Variants in WDR59 observed in about 807,000 individuals in gnomAD.
WDR59 encodes the protein GATOR2 complex protein WDR59.
Under a neutral mutation model 131.2 loss-of-function variants are expected in WDR59, and 100 were observed. That is an observed-to-expected ratio of 0.76 (90% CI 0.65 to 0.90). WDR59 has a LOEUF of 0.90. WDR59 is among the 40% of genes least tolerant of loss of function. The pLI is 0.00. For missense variants in WDR59, 1,203 were observed against 1,262.2 expected, an observed-to-expected ratio of 0.95 and a Z score of 0.71; for synonymous variants, 601 against 466.2, an observed-to-expected ratio of 1.29 and a Z score of -3.72.
At chr16:74,927,878 T>A (rs2030991813) in intron 8 of WDR59, among the ~76,000 whole-genome samples, 1 of 151,412 alleles carries the variant, frequency 6.6e-6, no homozygotes. Flanking sequence ...CAAGGATTCC[T>A]TTTTTTCCCC....
chr16:74,965,908 G>A, intron 1 of WDR59, 86 bp from the exon 2 acceptor site: 1 of 1,474,876 alleles, frequency 6.8e-7, no homozygotes, highest in Non-Finnish European at 9.5e-7. Context: ...TCCTCTTCCT[G>A]TCTCCCAAGA....
At chr16:74,874,652 A>G (rs995058236) in intron 25 of WDR59, among the ~76,000 whole-genome samples, 3 of 151,984 alleles carry the variant, frequency 2.0e-5, no homozygotes, top group African/African-American at 4.8e-5. Context: ...CTCGAGTGCA[A>G]TGGTGCAATC....
At position 74,888,203 on chromosome 16, in the gene WDR59, C is replaced by A. The variant is rs761933462; in HGVS notation, c.2312G>T (p.Arg771Leu). ...ATGGGACACCACAAGATTAGAAGAA[C>A]GGTTAGGAAAAGGCCCAAAGGGGTT... ...LPNPFGPFPN[R>L]SSNLVVSHSR... The change falls in exon 22 of 26, where the codon CGT becomes CTT. Residue 771 changes from arginine to leucine, a missense_variant. By Grantham distance (102) the Arg-to-Leu change is moderately radical (BLOSUM62 -2). Transcript: ENST00000262144. 6 of 1,612,448 alleles carry A rather than the reference C, an allele frequency of 3.7e-6. No individual in the cohort carries two copies. Among genetic ancestry groups the A allele is most frequent in the Non-Finnish European group, 5.1e-6 (6 of 1,179,570 alleles).
intron 2 of WDR59, among the ~76,000 whole-genome samples, chr16:74,963,857 A>G (rs368358280): frequency 3.3e-5 from 5 of 151,700 alleles, no homozygotes; most frequent in African/African-American, 1.2e-4. Flanking sequence ...AGATCACATC[A>G]GCGAATACAC....
At chr16:74,909,739 C>T (rs1965991152) in intron 15 of WDR59, 82 bp from the exon 16 acceptor site, 2 of 1,567,578 alleles carry the variant, frequency 1.3e-6, no homozygotes, top group South Asian at 2.4e-5. Flanking sequence ...TATGACAAAA[C>T]CAGAAAACCC....
intron 4 of WDR59, 87 bp from the exon 5 acceptor site, chr16:74,949,885 G>T: frequency 8.6e-7 from 1 of 1,162,028 alleles, no homozygotes; most frequent in Non-Finnish European, 1.3e-6. Flanking sequence ...GTCTCCAGTG[G>T]CTTCAGAATG....
intron 1 of WDR59, among the ~76,000 whole-genome samples, chr16:74,977,118 C>T (rs948759221): frequency 6.6e-6 from 1 of 151,948 alleles, no homozygotes; most frequent in African/African-American, 2.4e-5. Flanking sequence ...CAAATACAGA[C>T]ACAGTTACTT....
At chr16:74,906,460 A>C (rs192733388) in intron 17 of WDR59, among the ~76,000 whole-genome samples, 1 of 152,082 alleles carries the variant, frequency 6.6e-6, no homozygotes, top group Non-Finnish European at 1.5e-5. Context: ...TGGCACAACC[A>C]CTGTGCACAA....
In WDR59 at chr16:74,959,033, C is replaced by T. The variant is rs553708182; in HGVS notation, c.105-2423G>A. 4.6e-5 allele frequency among the ~76,000 whole-genome samples: 7 copies of T among 152,000 alleles called. No homozygotes were observed. In the East Asian group the frequency reaches 5.8e-4, roughly 13 times the overall value. ...GAGATCGCACCATTGCACTCCAGCCCGGGCAACAAAAGCAAAACTCCATCT... is the reference window on the plus strand; with the variant it reads ...GAGATCGCACCATTGCACTCCAGCCTGGGCAACAAAAGCAAAACTCCATCT... On this transcript the variant is annotated intron_variant, in intron 2 of 25. Coordinates refer to ENST00000262144, the MANE Select transcript of WDR59 (RefSeq NM_030581.4).
chr16:74,957,600 T>C (rs1454474772), intron 2 of WDR59, among the ~76,000 whole-genome samples: 1 of 152,136 alleles, frequency 6.6e-6, no homozygotes, highest in Non-Finnish European at 1.5e-5. Flanking sequence ...AAATAACATA[T>C]GAAGTGCCAG....
At chr16:74,976,970 C>T (rs1016627676) in intron 1 of WDR59, among the ~76,000 whole-genome samples, 5 of 152,100 alleles carry the variant, frequency 3.3e-5, no homozygotes, top group Non-Finnish European at 7.4e-5. Context: ...TCACGGCACT[C>T]CAGCCTGGGC....
At position 74,956,554 on chromosome 16, in the gene WDR59, A is replaced by T. The variant is rs1294645130; in HGVS notation, c.161T>A (p.Ile54Asn). The stretch of plus-strand genomic sequence containing the variant: ...AATGTCCCATTTGCTCTGGCGAGAG[A>T]TCTTTCGGTGACCTTCGAAAGGGGC... Reference protein sequence around the residue: ...LDAPFEGHRKISRQSKWDIGA... With the variant: ...LDAPFEGHRKNSRQSKWDIGA... Residue 54 changes from isoleucine to asparagine, a missense_variant, in exon 3 of 26, where the codon ATC becomes AAC. Coordinates refer to ENST00000262144, the MANE Select transcript of WDR59 (RefSeq NM_030581.4). The T allele has an allele frequency of 2.5e-6, 4 of 1,614,020 alleles. No individual in the cohort carries two copies. The highest frequency in any genetic ancestry group is 3.4e-6 in the Non-Finnish European group (4 of 1,180,016).
intron 2 of WDR59, among the ~76,000 whole-genome samples, chr16:74,957,014 T>TAGCAGGAC (rs1440336061): frequency 6.6e-6 from 1 of 152,200 alleles, no homozygotes; most frequent in Non-Finnish European, 1.5e-5. Flanking sequence ...ACTAATAATT[T>TAGCAGGAC]AAGGCTCTTG....
At chr16:74,958,937 T>A (rs2145171783) in intron 2 of WDR59, among the ~76,000 whole-genome samples, 1 of 152,032 alleles carries the variant, frequency 6.6e-6, no homozygotes, top group Non-Finnish European at 1.5e-5. Context: ...TGCATGCCTG[T>A]AATCCCAGCT....
In WDR59 at chr16:74,948,535, A is replaced by C; in HGVS notation, c.429T>G (p.Val143=). Residue 143 remains valine, a synonymous_variant, in exon 6 of 26, where the codon GTT becomes GTG. Transcript: ENST00000262144. ...WDIKDTRKPT[V]ALSAVAGASQ... ...TACACTCACCAACAGCAGACAGTGC[A>C]ACAGTAGGTTTCCTTGTGTCTCTGA... 6.2e-7 allele frequency: 1 copy of C among 1,614,000 alleles called. No individual in the cohort carries two copies. Among genetic ancestry groups the C allele is most frequent in the Non-Finnish European group, 8.5e-7 (1 of 1,179,858 alleles).
intron 23 of WDR59, 107 bp from the exon 24 acceptor site, chr16:74,886,503 T>TG (rs1200484078): frequency 1.4e-5 from 20 of 1,425,246 alleles, no homozygotes; most frequent in Non-Finnish European, 1.8e-5. Context: ...CCAGAAGAAA[T>TG]GTTAAGCGAG....
At chr16:74,974,842 G>T (rs145730441) in intron 1 of WDR59, among the ~76,000 whole-genome samples, 1 of 152,282 alleles carries the variant, frequency 6.6e-6, no homozygotes, top group African/African-American at 2.4e-5. Context: ...AAGGAATTAA[G>T]CATATACTGT....
intron 14 of WDR59, among the ~76,000 whole-genome samples, 157 bp from the exon 15 acceptor site, chr16:74,910,074 T>C (rs922287902): frequency 6.6e-6 from 1 of 151,710 alleles, no homozygotes; most frequent in African/African-American, 2.4e-5. Flanking sequence ...TTCAAGTGAT[T>C]CTTGTGCCTC....
rs760844416 is a variant in WDR59, at chr16:74,985,053, C to T, written c.-36G>A. ...CGGCCGCCGCGGCCCCAGGACGGCG[C>T]CCTCCCACCCCGCCGTCCCCAGTAT... On this transcript the variant is annotated 5_prime_UTR_variant, in exon 1 of 26. Transcript: ENST00000262144. 60 of 1,542,432 alleles carry T rather than the reference C, an allele frequency of 3.9e-5. No individual in the cohort carries two copies. Among genetic ancestry groups the T allele is most frequent in the Non-Finnish European group, 5.2e-5 (59 of 1,138,596 alleles).
Sources: gnomAD v4.1 joint callset for allele counts (sites outside exome capture counted in the v4.1 genomes callset) on GRCh38, gnomAD v4.1.1 for gene constraint, MANE v1.5 for transcripts, NCBI Gene and HGNC (gene_info 2026-07-23, HGNC 2026-07-21) for gene names.